Variants in PTPN13 observed in about 807,000 individuals in gnomAD.
PTPN13 encodes the protein protein tyrosine phosphatase non-receptor type 13, also known as tyrosine-protein phosphatase non-receptor type 13.
Under a neutral mutation model 284.0 loss-of-function variants are expected in PTPN13, and 191 were observed. The ratio of observed to expected loss-of-function variants is 0.67; its 90% CI spans 0.60 to 0.76. PTPN13 has a LOEUF of 0.76. PTPN13 is among the 30% of genes least tolerant of loss of function. The pLI is 0.00. For synonymous variants in PTPN13, 986 were observed against 1,022.3 expected (o/e 0.96, Z 0.68); for missense variants, 2,797 against 2,939.9 (o/e 0.95, Z 1.12).
At chr4:86,687,666 T>C (rs111558578) in intron 4 of PTPN13, among the ~76,000 whole-genome samples, 7,560 of 152,192 alleles carry the variant, frequency 0.05, 257 homozygotes, top group African/African-American at 0.072. Flanking sequence ...TATTTTCTTT[T>C]TCTCTTCAGT....
At chr4:86,798,415 G>A (rs1375916376) in intron 41 of PTPN13, among the ~76,000 whole-genome samples, 2 of 152,202 alleles carry the variant, frequency 1.3e-5, no homozygotes, top group Non-Finnish European at 2.9e-5. Flanking sequence ...ATGTCCTGGT[G>A]TATACTAATG....
At chr4:86,618,752 A>G (rs111509310) in intron 1 of PTPN13, among the ~76,000 whole-genome samples, 7,052 of 152,184 alleles carry the variant, frequency 0.046, 219 homozygotes, top group African/African-American at 0.06. Flanking sequence ...GTATAAGAAT[A>G]CTTGTGATTT....
intron 6 of PTPN13, among the ~76,000 whole-genome samples, chr4:86,697,636 C>T (rs1194743869): frequency 6.6e-6 from 1 of 152,158 alleles, no homozygotes; most frequent in Non-Finnish European, 1.5e-5. Flanking sequence ...TTCAGATCAA[C>T]ATGGTGGTGC....
chr4:86,707,469 A>G (rs1394658713), intron 7 of PTPN13, among the ~76,000 whole-genome samples: 3 of 152,170 alleles, frequency 2.0e-5, no homozygotes, highest in Non-Finnish European at 2.9e-5. Context: ...ATGGGAACCC[A>G]TTCTCATTTG....
chr4:86,684,356 A>G (rs981380996), intron 3 of PTPN13, among the ~76,000 whole-genome samples: 4 of 152,210 alleles, frequency 2.6e-5, no homozygotes, highest in African/African-American at 9.6e-5. Context: ...GAGAAAGAAA[A>G]GGATGTATTT....
rs762746966 is a variant in PTPN13 at position 86,807,718 on chromosome 4, T to G, written c.6904T>G (p.Ser2302Ala). Residue 2302 changes from serine (S) to alanine (A), a missense_variant, in exon 45 of 48, where the codon TCC becomes GCC. By Grantham distance (99) the Ser-to-Ala change is moderately conservative. Coordinates refer to ENST00000411767, the MANE Select transcript of PTPN13 (RefSeq NM_080683.3). ...DFWQMIWEQK[S>A]TVIAMMTQEV... ...CTGGCAGATGATTTGGGAGCAAAAA[T>G]CCACAGTGATAGCCATGATGACTCA... 3 of 1,613,886 alleles carry G rather than the reference T, an allele frequency of 1.9e-6. No homozygotes were observed. Among genetic ancestry groups the G allele is most frequent in the Non-Finnish European group, 8.5e-7 (1 of 1,179,882 alleles).
intron 10 of PTPN13, among the ~76,000 whole-genome samples, chr4:86,730,808 C>T (rs754175464): frequency 2.2e-4 from 34 of 152,236 alleles, no homozygotes; most frequent in Non-Finnish European, 4.1e-4. Context: ...CCGATTGCTG[C>T]ACCCACTGTC....
At chr4:86,619,618 T>G (rs560975716) in intron 1 of PTPN13, among the ~76,000 whole-genome samples, 1 of 152,200 alleles carries the variant, frequency 6.6e-6, no homozygotes, top group African/African-American at 2.4e-5. Flanking sequence ...TATTTCTAAA[T>G]GTTTTCTCTA....
intron 40 of PTPN13, among the ~76,000 whole-genome samples, chr4:86,788,976 T>C (rs899412105): frequency 6.6e-6 from 1 of 152,206 alleles, no homozygotes; most frequent in East Asian, 1.9e-4. Flanking sequence ...TCTAAAGAAT[T>C]AGCATCTTAA....
chr4:86,678,497 A>G (rs1363282870), intron 3 of PTPN13, among the ~76,000 whole-genome samples: 1 of 152,224 alleles, frequency 6.6e-6, no homozygotes, highest in East Asian at 1.9e-4. Flanking sequence ...TTGCTGACAG[A>G]TCCCAAATGT....
chr4:86,728,547 T>G (rs1375881392), intron 10 of PTPN13, among the ~76,000 whole-genome samples: 3 of 148,074 alleles, frequency 2.0e-5, no homozygotes, highest in Non-Finnish European at 4.5e-5. Flanking sequence ...CTTGTTGAAT[T>G]GATCCCTTTA....
At chr4:86,665,346 T>C (rs1303910082) in intron 2 of PTPN13, among the ~76,000 whole-genome samples, 1 of 152,226 alleles carries the variant, frequency 6.6e-6, no homozygotes, top group African/African-American at 2.4e-5. Context: ...TTTCATGTTA[T>C]TAGAATATTG....
chr4:86,741,913 G>A (rs970567415), intron 16 of PTPN13, 97 bp downstream of exon 16: 1 of 1,023,462 alleles, frequency 9.8e-7, no homozygotes, highest in Non-Finnish European at 1.4e-6. Flanking sequence ...CTGCCATTCA[G>A]TGGGGATAAT....
chr4:86,662,495 C>A (rs780180857), intron 2 of PTPN13, among the ~76,000 whole-genome samples: 1 of 152,082 alleles, frequency 6.6e-6, no homozygotes. Context: ...CCACGCCCAG[C>A]TAATTTTTAT....
rs1339909590 is a variant in PTPN13 at position 86,638,599 on chromosome 4, G to A, written c.115+3228G>A. Among the ~76,000 whole-genome samples, 11 of 152,230 alleles carry A rather than the reference G, an allele frequency of 7.2e-5. 1 individual carries two copies. In the East Asian group the frequency reaches 1.5e-3, roughly 21 times the overall value. On this transcript the variant is annotated intron_variant, in intron 2 of 47. Coordinates refer to ENST00000411767, the MANE Select transcript of PTPN13 (RefSeq NM_080683.3). ...GGGGAAACGATTCGCTATTTAATAA[G>A]TGGTGCTGGGAAAACTGGCTAGCCA...
intron 7 of PTPN13, among the ~76,000 whole-genome samples, chr4:86,716,084 A>G (rs1039703785): frequency 8.5e-5 from 13 of 152,312 alleles, no homozygotes; most frequent in East Asian, 7.7e-4. Context: ...TAGATTGTCT[A>G]TTCCTTATAG....
At chr4:86,678,402 AT>A (rs1201612198) in intron 3 of PTPN13, among the ~76,000 whole-genome samples, 2 of 152,316 alleles carry the variant, frequency 1.3e-5, no homozygotes, top group African/African-American at 4.8e-5. Flanking sequence ...ACCAAAAAAA[AT>A]GTGTCTTCGT....
Position 86,763,056 on chromosome 4 carries a change from A to G in PTPN13, c.3883A>G (p.Thr1295Ala), listed in dbSNP as rs761984046. The G allele has an allele frequency of 1.1e-5, 18 of 1,613,724 alleles. 1 individual carries two copies. The South Asian group carries it at 2.0e-4, about 18-fold the overall frequency. The change falls in exon 24 of 48, where the codon ACT becomes GCT. Residue 1295 changes from threonine (T) to alanine (A), a missense_variant. Thr to Ala is a moderately conservative substitution (Grantham distance 58, BLOSUM62 0). Transcript: ENST00000411767. ...AATATCCAAAGCCACCGAGAAAGAGACTTTCACTGATAGTAACCAAAGCAA... is the reference window on the plus strand; with the variant it reads ...AATATCCAAAGCCACCGAGAAAGAGGCTTTCACTGATAGTAACCAAAGCAA... ...SVISKATEKE[T>A]FTDSNQSKTK... is the part of the protein sequence containing the mutation.
chr4:86,671,342 A>G (rs906798774), intron 2 of PTPN13, among the ~76,000 whole-genome samples: 7 of 152,152 alleles, frequency 4.6e-5, no homozygotes, highest in African/African-American at 1.7e-4. Flanking sequence ...ACAGAGTGAT[A>G]TCAGTATAAT....
Sources: gnomAD v4.1 joint callset for allele counts (sites outside exome capture counted in the v4.1 genomes callset) on GRCh38, gnomAD v4.1.1 for gene constraint, MANE v1.5 for transcripts, NCBI Gene and HGNC (gene_info 2026-07-23, HGNC 2026-07-21) for gene names.